Variants in PRIM2 observed in about 807,000 individuals in gnomAD.
The protein encoded by PRIM2 is DNA primase large subunit.
Under a neutral mutation model 67.3 loss-of-function variants are expected in PRIM2, and 39 were observed. The observed-to-expected ratio is 0.58, with a 90% CI of 0.45 to 0.76. The LOEUF (loss-of-function observed/expected upper bound fraction) is 0.76, where lower values mean the gene tolerates loss of function less well. PRIM2 is among the 30% of genes least tolerant of loss of function. PRIM2 has a pLI of 0.00. For synonymous variants in PRIM2, 143 were observed against 198.7 expected, an observed-to-expected ratio of 0.72 and a Z score of 2.36; for missense variants, 398 against 598.7, an observed-to-expected ratio of 0.66 and a Z score of 3.50.
chr6:57,475,703 G>C (rs1295872182), intron 7 of PRIM2, among the ~76,000 whole-genome samples: 15 of 152,212 alleles, frequency 9.9e-5, no homozygotes, highest in African/African-American at 3.1e-4. Context: ...GCATGTCAAG[G>C]ATTTTCCAAA....
At chr6:57,428,711 G>A (rs1417514988) in intron 7 of PRIM2, among the ~76,000 whole-genome samples, 1 of 152,098 alleles carries the variant, frequency 6.6e-6, no homozygotes, top group Non-Finnish European at 1.5e-5. Context: ...GATTCTATGA[G>A]CTATAAAGAG....
chr6:57,545,773 AT>A (rs1280820917), intron 10 of PRIM2, among the ~76,000 whole-genome samples: 1 of 152,168 alleles, frequency 6.6e-6, no homozygotes, highest in Non-Finnish European at 1.5e-5. Flanking sequence ...CAAGAGATTT[AT>A]TTGGAAAAAC....
At chr6:57,480,697 C>G (rs1773600149) in intron 7 of PRIM2, among the ~76,000 whole-genome samples, 1 of 152,174 alleles carries the variant, frequency 6.6e-6, no homozygotes, top group Non-Finnish European at 1.5e-5. Context: ...GGTGCGATCT[C>G]CGCTCACTGC....
intron 8 of PRIM2, among the ~76,000 whole-genome samples, chr6:57,509,067 T>G (rs1165930058): frequency 0.013 from 1,907 of 151,974 alleles, 17 homozygotes; most frequent in African/African-American, 0.042. Context: ...TTTCTTTTTC[T>G]TTCTTAGTAT....
intron 7 of PRIM2, among the ~76,000 whole-genome samples, chr6:57,496,640 TTAAA>T (rs1312517593): frequency 6.6e-6 from 1 of 152,178 alleles, no homozygotes; most frequent in Admixed American, 6.5e-5. Flanking sequence ...TTATCTTACA[TTAAA>T]TAAGAAATTG....
At chr6:57,478,917 T>A (rs1773547714) in intron 7 of PRIM2, among the ~76,000 whole-genome samples, 2 of 152,196 alleles carry the variant, frequency 1.3e-5, no homozygotes, top group South Asian at 4.1e-4. Context: ...GAGGCCAAGG[T>A]GGGCGAATCA....
intron 7 of PRIM2, among the ~76,000 whole-genome samples, chr6:57,422,927 A>G (rs1771511905): frequency 6.6e-6 from 1 of 152,202 alleles, no homozygotes; most frequent in Admixed American, 6.5e-5. Flanking sequence ...TAAATAATGG[A>G]GGTAAAAGAC....
chr6:57,606,983 A>G (rs1776575203), intron 12 of PRIM2, among the ~76,000 whole-genome samples: 1 of 152,232 alleles, frequency 6.6e-6, no homozygotes, highest in South Asian at 2.1e-4. Context: ...CTCAGATTGT[A>G]CAACCAAATG....
At chr6:57,372,358 CAT>C (rs1415805300) in intron 5 of PRIM2, among the ~76,000 whole-genome samples, 1 of 152,162 alleles carries the variant, frequency 6.6e-6, no homozygotes, top group Admixed American at 6.5e-5. Flanking sequence ...GGTTTCTACT[CAT>C]ATTAATTAGC....
intron 10 of PRIM2, among the ~76,000 whole-genome samples, chr6:57,584,942 C>A (rs1776162119): frequency 6.6e-6 from 1 of 152,174 alleles, no homozygotes; most frequent in Non-Finnish European, 1.5e-5. Flanking sequence ...TAACACTTTG[C>A]TGCTTCACAA....
At chr6:57,309,568 T>C in the PRIM2 span, among the ~76,000 whole-genome samples, 15 of 152,174 alleles carry the variant, frequency 9.9e-5, no homozygotes, top group Non-Finnish European at 2.2e-4. Flanking sequence ...TCTATCATTG[T>C]TGGACATTTG....
At chr6:57,263,837 T>C in the PRIM2 span, among the ~76,000 whole-genome samples, 1 of 152,248 alleles carries the variant, frequency 6.6e-6, no homozygotes, top group Non-Finnish European at 1.5e-5. Context: ...TTCACTTTTG[T>C]GTCCCTGACA....
At chr6:57,445,969 C>T (rs1772351158) in intron 7 of PRIM2, among the ~76,000 whole-genome samples, 1 of 152,214 alleles carries the variant, frequency 6.6e-6, no homozygotes, top group South Asian at 2.1e-4. Flanking sequence ...GCTGCCATTG[C>T]TGGTTCAGCA....
chr6:57,493,665 T>A (rs1433085229), intron 7 of PRIM2, among the ~76,000 whole-genome samples: 1 of 152,232 alleles, frequency 6.6e-6, no homozygotes, highest in Admixed American at 6.5e-5. Context: ...AACTAAGACA[T>A]GCAAGATGAA....
At chr6:57,635,935 A>G (rs1316600402) in intron 13 of PRIM2, among the ~76,000 whole-genome samples, 1 of 152,076 alleles carries the variant, frequency 6.6e-6, no homozygotes, top group Non-Finnish European at 1.5e-5. Context: ...GTGGCTTCCT[A>G]TTTCTCTTAA....
the PRIM2 span, among the ~76,000 whole-genome samples, chr6:57,291,709 C>T: frequency 6.6e-6 from 1 of 152,080 alleles, no homozygotes; most frequent in Non-Finnish European, 1.5e-5. Context: ...AATCAATAAA[C>T]ATAATCCATC....
intron 7 of PRIM2, among the ~76,000 whole-genome samples, chr6:57,464,996 C>T (rs1773139124): frequency 6.6e-6 from 1 of 152,126 alleles, no homozygotes; most frequent in African/African-American, 2.4e-5. Context: ...TCCTTGGCAA[C>T]TATGTCTTTA....
chr6:57,359,127 A>G (rs1769119646), intron 5 of PRIM2, among the ~76,000 whole-genome samples: 1 of 152,222 alleles, frequency 6.6e-6, no homozygotes, highest in Non-Finnish European at 1.5e-5. Flanking sequence ...TCTTGATGTG[A>G]GTGGGTTTTG....
chr6:57,570,348 A>G (rs1775839721), intron 10 of PRIM2, among the ~76,000 whole-genome samples: 2 of 152,194 alleles, frequency 1.3e-5, no homozygotes, highest in Non-Finnish European at 2.9e-5. Flanking sequence ...AGAGCAGGAA[A>G]TGAGCTTTAT....
Sources: allele counts gnomAD v4.1 joint callset (sites outside exome capture counted in the v4.1 genomes callset), GRCh38; gene constraint gnomAD v4.1.1; transcripts MANE v1.5; gene names NCBI Gene and HGNC (gene_info 2026-07-23, HGNC 2026-07-21).